The following CSMD1 variants were observed in gnomAD, a reference collection of about 807,000 sequenced individuals.
The protein encoded by CSMD1 is CUB and sushi domain-containing protein 1.
A neutral mutation model predicts 417.5 loss-of-function variants in CSMD1; 213 were observed. The observed-to-expected ratio is 0.51, with a 90% CI of 0.46 to 0.57. CSMD1 has a LOEUF of 0.57. Ranked by LOEUF, CSMD1 falls within the 20% of genes least tolerant of loss-of-function variation. The probability of loss-of-function intolerance (pLI) is 0.00; values close to 1 mark genes in which losing one functional copy is unlikely to be tolerated. For missense variants in CSMD1, 6,923 were observed against 4,529.7 expected (o/e 1.53, Z -15.17); for synonymous variants, 2,862 against 1,736.8 (o/e 1.65, Z -16.11).
At chr8:4,125,606 C>A (rs990847277) in intron 3 of CSMD1, among the ~76,000 whole-genome samples, 4 of 152,190 alleles carry the variant, frequency 2.6e-5, no homozygotes, top group Non-Finnish European at 5.9e-5. Context: ...AGAATTATAA[C>A]TGAGGAAATT....
Position 3,420,207 on chromosome 8 carries a change from A to G in CSMD1, c.1562-10602T>C, listed in dbSNP as rs142605970. 4.2e-3 allele frequency among the ~76,000 whole-genome samples: 636 copies of G among 152,282 alleles called. 3 individuals carry two copies. The highest frequency in any genetic ancestry group is 0.034 in the Middle Eastern group (10 of 294). ...TTAAAAGATACAACTACTTTATGAT[A>G]TTCCTGGAAAACGTATAACCCCAGT... On this transcript the variant is annotated intron_variant, in intron 12 of 69. Transcript: ENST00000635120.
chr8:4,079,625 A>G (rs951770088), intron 3 of CSMD1, among the ~76,000 whole-genome samples: 4 of 152,242 alleles, frequency 2.6e-5, no homozygotes, highest in Non-Finnish European at 5.9e-5. Flanking sequence ...ATGGAGAATT[A>G]GCTAAATTGA....
intron 25 of CSMD1, 32 bp downstream of exon 25, chr8:3,307,663 T>C (rs1414926414): frequency 6.2e-7 from 1 of 1,606,728 alleles, no homozygotes; most frequent in African/African-American, 1.3e-5. Flanking sequence ...ATCTCTTTTC[T>C]CAAATCACTG....
intron 1 of CSMD1, among the ~76,000 whole-genome samples, chr8:4,855,846 T>C (rs989674943): frequency 6.6e-6 from 1 of 151,060 alleles, no homozygotes; most frequent in African/African-American, 2.4e-5. Flanking sequence ...CTCTGCAGGA[T>C]ATTATCCAGG....
intron 1 of CSMD1, among the ~76,000 whole-genome samples, chr8:4,726,004 A>C: frequency 6.6e-6 from 1 of 152,296 alleles, no homozygotes; most frequent in East Asian, 1.9e-4. Context: ...ACTAGTTGTA[A>C]GAATTTTCTC....
chr8:3,509,677 G>C (rs1796982087), intron 10 of CSMD1, among the ~76,000 whole-genome samples: 1 of 152,172 alleles, frequency 6.6e-6, no homozygotes, highest in African/African-American at 2.4e-5. Flanking sequence ...GAAAACAAAA[G>C]ATGCTTAATC....
intron 5 of CSMD1, among the ~76,000 whole-genome samples, chr8:3,787,484 C>G (rs1418158761): frequency 1.3e-5 from 2 of 151,800 alleles, no homozygotes; most frequent in African/African-American, 4.8e-5. Flanking sequence ...AGTGATTAAT[C>G]AAAAAAATGA....
chr8:3,454,661 A>G (rs1417651609), intron 12 of CSMD1, among the ~76,000 whole-genome samples: 1 of 152,200 alleles, frequency 6.6e-6, no homozygotes, highest in East Asian at 1.9e-4. Context: ...TCTGGCTTGT[A>G]GAGTTTCTGC....
intron 41 of CSMD1, among the ~76,000 whole-genome samples, chr8:3,131,628 T>G: frequency 6.6e-6 from 1 of 152,186 alleles, no homozygotes; most frequent in African/African-American, 2.4e-5. Context: ...CCTGCCACCA[T>G]GCCCAGCTAC....
chr8:3,896,335 C>T (rs1048972098), intron 5 of CSMD1, among the ~76,000 whole-genome samples: 1 of 152,146 alleles, frequency 6.6e-6, no homozygotes, highest in Non-Finnish European at 1.5e-5. Context: ...TCCATATACT[C>T]ACTTTGCTGA....
intron 1 of CSMD1, among the ~76,000 whole-genome samples, chr8:4,676,948 T>TTA (rs1181772276): frequency 6.8e-6 from 1 of 146,946 alleles, no homozygotes; most frequent in East Asian, 1.9e-4. Flanking sequence ...TATAGAGAAA[T>TTA]TATATATATC....
chr8:4,695,310 G>A (rs556855948), intron 1 of CSMD1, among the ~76,000 whole-genome samples: 2 of 152,108 alleles, frequency 1.3e-5, no homozygotes, highest in East Asian at 1.9e-4. Flanking sequence ...TGCACTCCTG[G>A]CATTGAAATA....
chr8:4,378,633 AG>A lies in CSMD1; in HGVS notation c.415+41319del, dbSNP rs1802905427. ...CTAAAACAAGAGTTTGAAGACAAAA[AG>A]AATAGGTGGATAGCAGCTGCTGGTT... On this transcript the variant is annotated intron_variant, in intron 3 of 69. Transcript: ENST00000635120. Among the ~76,000 whole-genome samples the A allele has an allele frequency of 2.0e-5, 3 of 152,218 alleles. No individual in the cohort carries two copies. In the South Asian group the frequency reaches 6.2e-4, roughly 32 times the overall value.
chr8:3,826,716 A>G (rs924375198), intron 5 of CSMD1, among the ~76,000 whole-genome samples: 8 of 152,186 alleles, frequency 5.3e-5, no homozygotes, highest in African/African-American at 1.9e-4. Context: ...TTTATTTTCA[A>G]AGAAAGAGTT....
chr8:3,774,396 T>C (rs1179285851), intron 5 of CSMD1, among the ~76,000 whole-genome samples: 2 of 152,102 alleles, frequency 1.3e-5, no homozygotes, highest in African/African-American at 4.8e-5. Context: ...AAAACACAAG[T>C]TTTTCAAAGA....
At position 3,536,933 on chromosome 8, in the gene CSMD1, T is replaced by G. The variant is rs147859928; in HGVS notation, c.1344+38012A>C. On this transcript the variant is annotated intron_variant, in intron 10 of 69. Coordinates refer to ENST00000635120, the MANE Select transcript of CSMD1 (RefSeq NM_033225.6). ...ATTGTACGATTGCCCTAGTCGTCAGTAGAGTCAGTATTTACTGGGAGCTTT... is the reference window on the plus strand; with the variant it reads ...ATTGTACGATTGCCCTAGTCGTCAGGAGAGTCAGTATTTACTGGGAGCTTT... 4.3e-3 allele frequency among the ~76,000 whole-genome samples: 661 copies of G among 152,346 alleles called. 5 individuals are homozygous for G. The highest frequency in any genetic ancestry group is 0.01 in the Admixed American group (156 of 15,308).
intron 50 of CSMD1, among the ~76,000 whole-genome samples, chr8:3,034,727 G>C (rs1229277496): frequency 6.6e-6 from 1 of 152,126 alleles, no homozygotes; most frequent in East Asian, 1.9e-4. Flanking sequence ...ATCATACTTA[G>C]AGAGGAAAAA....
At chr8:3,371,517 A>G (rs7826067) in intron 18 of CSMD1, among the ~76,000 whole-genome samples, 116,184 of 151,446 alleles carry the variant, frequency 0.77, 44,989 homozygotes, top group African/African-American at 0.88. Flanking sequence ...GTGCATGTAT[A>G]TATTTATACT....
intron 5 of CSMD1, among the ~76,000 whole-genome samples, chr8:3,756,461 A>T (rs183076455): frequency 6.6e-6 from 1 of 152,234 alleles, no homozygotes; most frequent in Non-Finnish European, 1.5e-5. Flanking sequence ...TAGAAAATTT[A>T]AAAACTACAA....
Sources: gnomAD v4.1 joint callset for allele counts (sites outside exome capture counted in the v4.1 genomes callset) on GRCh38, gnomAD v4.1.1 for gene constraint, MANE v1.5 for transcripts, NCBI Gene and HGNC (gene_info 2026-07-23, HGNC 2026-07-21) for gene names.